Variants in ACTN1 observed in about 807,000 individuals in gnomAD.
The protein encoded by ACTN1 is actinin alpha 1, also known as alpha-actinin-1.
A neutral mutation model predicts 119.6 loss-of-function variants in ACTN1; 30 were observed. The ratio of observed to expected loss-of-function variants is 0.25; its 90% confidence interval spans 0.19 to 0.34. The LOEUF is 0.34. Ranked by LOEUF, ACTN1 falls within the 10% of genes least tolerant of loss-of-function variation. ACTN1 has a pLI of 1.00. For synonymous variants in ACTN1, 429 were observed against 472.6 expected, an observed-to-expected ratio of 0.91 and a Z score of 1.20; for missense variants, 764 against 1,223.4, an observed-to-expected ratio of 0.62 and a Z score of 5.60.
At chr14:68,949,321 G>A (rs899947034) in intron 1 of ACTN1, among the ~76,000 whole-genome samples, 4 of 152,222 alleles carry the variant, frequency 2.6e-5, no homozygotes, top group South Asian at 2.1e-4. Flanking sequence ...GAGGAGGTCA[G>A]GAGGAAGGAA....
rs1245950121 is a variant in ACTN1, at chr14:68,885,291, C to T, written c.1385+134G>A. The stretch of plus-strand genomic sequence containing the variant: ...GAGAGATATTTGTCTCCTGCGTTGA[C>T]TCCCTCCCCACCTGGGCACCCACCT... On this transcript the variant is annotated intron_variant, in intron 12 of 21. Coordinates refer to ENST00000394419, the MANE Select transcript of ACTN1 (RefSeq NM_001130004.2). This position sits in a 1 kb window ranked among gnomAD's most constrained non-coding sequence, Gnocchi z 5.6. 6 of 1,192,824 alleles carry T rather than the reference C, an allele frequency of 5.0e-6. No homozygotes were observed. The East Asian group carries it at 1.5e-4, about 31-fold the overall frequency. The allele number at this position is 1,192,824 out of a possible 1,614,324, so 73.9% of individuals were successfully genotyped here. A position where few individuals can be genotyped will look rare whatever the true frequency, so the allele number is the denominator to read the frequency against.
Position 68,879,361 on chromosome 14 carries a change from G to A in ACTN1, c.2281-292C>T, listed in dbSNP as rs2031274530. 1.3e-5 allele frequency among the ~76,000 whole-genome samples: 2 copies of A among 151,950 alleles called. No individual in the cohort carries two copies. The highest frequency in any genetic ancestry group is 1.9e-4 in the East Asian group (1 of 5,168). ...GAGAAGCTCCCTCAGAAGTGACCCA[G>A]CCCCCCCGCTTCCCCAGGGGCTTCC... On this transcript the variant is annotated intron_variant, in intron 18 of 21. Transcript: ENST00000394419. The surrounding 1 kb of genome is among the most constrained non-coding windows in gnomAD (Gnocchi z 4.9).
At chr14:68,969,019 C>T (rs748431494) in intron 1 of ACTN1, among the ~76,000 whole-genome samples, 4 of 152,204 alleles carry the variant, frequency 2.6e-5, no homozygotes, top group Non-Finnish European at 5.9e-5. Context: ...CAGCCAGGCA[C>T]CTTTGGGTGC....
In ACTN1 at chr14:68,880,969, A is replaced by G; in HGVS notation, c.1974T>C (p.Ile658=). The change falls in exon 17 of 22, where the codon ATT becomes ATC. Residue 658 remains isoleucine, a synonymous_variant. Coordinates refer to ENST00000394419, the MANE Select transcript of ACTN1 (RefSeq NM_001130004.2). The surrounding 1 kb of genome is among the most constrained non-coding windows in gnomAD (Gnocchi z 4.6). The part of the protein sequence containing the change: ...TKMEEIGRIS[I]EMHGTLEDQL... ...GGTCCTCCAGGGTCCCATGCATCTC[A>G]ATGGAGATCCTCCCGATCTCCTGCT... 1 of 1,614,076 alleles carries G rather than the reference A, an allele frequency of 6.2e-7. No homozygotes were observed. Among genetic ancestry groups the G allele is most frequent in the Non-Finnish European group, 8.5e-7 (1 of 1,180,012 alleles).
chr14:68,932,538 T>A (rs1025393411), intron 1 of ACTN1, among the ~76,000 whole-genome samples: 5 of 140,836 alleles, frequency 3.6e-5, no homozygotes, highest in South Asian at 2.6e-4. Flanking sequence ...TTTTTTTTTT[T>A]TAATTTTTCT....
intron 11 of ACTN1, chr14:68,888,191 G>C (rs1027989411): frequency 3.0e-5 from 14 of 462,046 alleles, no homozygotes; most frequent in Non-Finnish European, 5.2e-5. Flanking sequence ...GCCCAGGATA[G>C]ATTCTTTAGA....
chr14:68,978,322 C>A, intron 1 of ACTN1: 1 of 403,864 alleles, frequency 2.5e-6, no homozygotes, highest in Non-Finnish European at 5.0e-6. Context: ...CCTGACCCCG[C>A]CCCCACAGGG....
intron 1 of ACTN1, among the ~76,000 whole-genome samples, chr14:68,926,290 A>C (rs2034920860): frequency 6.6e-6 from 1 of 152,176 alleles, no homozygotes; most frequent in Admixed American, 6.5e-5. Flanking sequence ...GAAGAGTTCC[A>C]GAAAGGGAAT....
Position 68,878,136 on chromosome 14 carries a change from G to T in ACTN1, c.2427+322C>A. ...CATGTGAGGTGACGCATGCCAGCCC[G>T]AAACCTGGGATGTCCCACACCACCA... On this transcript the variant is annotated intron_variant, in intron 20 of 21. Transcript: ENST00000394419. The surrounding 1 kb of genome is among the most constrained non-coding windows in gnomAD (Gnocchi z 4.4). 3.6e-6 allele frequency: 1 copy of T among 276,424 alleles called. No homozygotes were observed. Among genetic ancestry groups the T allele is most frequent in the African/African-American group, 2.2e-5 (1 of 46,224 alleles). The allele number at this position is 276,424 out of a possible 1,614,324, so 17.1% of individuals were successfully genotyped here.
intron 1 of ACTN1, among the ~76,000 whole-genome samples, chr14:68,959,710 G>A (rs924172797): frequency 3.3e-5 from 5 of 152,192 alleles, no homozygotes; most frequent in African/African-American, 1.2e-4. Flanking sequence ...ACTAGAGCCA[G>A]GGGGGTTGAA....
chr14:68,958,957 A>AT (rs2036440025), intron 1 of ACTN1, among the ~76,000 whole-genome samples: 2 of 152,330 alleles, frequency 1.3e-5, no homozygotes, highest in East Asian at 3.9e-4. Flanking sequence ...CATTTTCATA[A>AT]TAAAAAAGCA....
At chr14:68,910,462 G>A (rs933048384) in intron 4 of ACTN1, among the ~76,000 whole-genome samples, 1 of 152,174 alleles carries the variant, frequency 6.6e-6, no homozygotes, top group Non-Finnish European at 1.5e-5. Context: ...ACACAGCTGA[G>A]TGAGAAGAAA....
chr14:68,959,525 T>C lies in ACTN1; in HGVS notation c.105+19427A>G, dbSNP rs193012863. Among the ~76,000 whole-genome samples, 37 of 152,354 alleles carry C rather than the reference T, an allele frequency of 2.4e-4. No individual in the cohort carries two copies. The East Asian group carries it at 6.9e-3, about 29-fold the overall frequency. ...CACTTGATACTTCCAAGTTCTCTTT[T>C]TGCTTCGGCTGCCAGGAAGCTCAGA... On this transcript the variant is annotated intron_variant, in intron 1 of 21. Transcript: ENST00000394419.
intron 8 of ACTN1, among the ~76,000 whole-genome samples, chr14:68,897,581 C>T (rs994298351): frequency 2.6e-5 from 4 of 152,220 alleles, no homozygotes; most frequent in African/African-American, 9.7e-5. Flanking sequence ...GCTGTGGCTC[C>T]ACCACCCACA....
At chr14:68,906,163 G>GTT (rs375414948) in intron 6 of ACTN1, among the ~76,000 whole-genome samples, 2 of 152,302 alleles carry the variant, frequency 1.3e-5, no homozygotes, top group Middle Eastern at 3.4e-3. Flanking sequence ...GGTAGGAACA[G>GTT]TTGTACAATA....
chr14:68,894,985 C>G (rs991402145), intron 8 of ACTN1, among the ~76,000 whole-genome samples: 1 of 148,394 alleles, frequency 6.7e-6, no homozygotes. Context: ...ATCCGCCCAC[C>G]AAATCATGTG....
At chr14:68,936,466 GT>G in intron 1 of ACTN1, 2 of 328,804 alleles carry the variant, frequency 6.1e-6, no homozygotes, top group Non-Finnish European at 1.2e-5. Context: ...ATATGCTTTT[GT>G]TTGAGTTTTG....
intron 4 of ACTN1, 75 bp downstream of exon 4, chr14:68,912,081 A>G: frequency 1.4e-6 from 2 of 1,380,844 alleles, no homozygotes; most frequent in African/African-American, 1.4e-5. Context: ...TGCCCTGGGT[A>G]TGGGAGTTCT....
At chr14:68,877,927 G>A (rs930583302) in intron 20 of ACTN1, 1 of 159,498 alleles carries the variant, frequency 6.3e-6, no homozygotes, top group Admixed American at 6.0e-5. Context: ...TGGACAGCCT[G>A]TGGGCTCTGC....
Sources: allele counts gnomAD v4.1 joint callset (sites outside exome capture counted in the v4.1 genomes callset), GRCh38; gene constraint gnomAD v4.1.1; non-coding constraint Gnocchi (gnomAD v3.1); transcripts MANE v1.5; gene names NCBI Gene and HGNC (gene_info 2026-07-23, HGNC 2026-07-21).